POU2F2: variants seen among roughly 807,000 people sequenced by gnomAD.
POU2F2 encodes the protein POU domain, class 2, transcription factor 2.
Under a neutral mutation model 63.5 loss-of-function variants are expected in POU2F2, and 14 were observed. The observed-to-expected ratio is 0.22, with a 90% CI of 0.15 to 0.34. The LOEUF (loss-of-function observed/expected upper bound fraction) is 0.34, where lower values mean the gene tolerates loss of function less well. POU2F2 is among the 10% of genes least tolerant of loss of function. POU2F2 has a pLI of 1.00. For missense variants in POU2F2, 607 were observed against 815.2 expected, an observed-to-expected ratio of 0.74 and a Z score of 3.11; for synonymous variants, 306 against 348.6, an observed-to-expected ratio of 0.88 and a Z score of 1.36.
intron 4 of POU2F2, among the ~76,000 whole-genome samples, chr19:42,118,684 A>G (rs1434689168): frequency 6.6e-6 from 1 of 152,250 alleles, no homozygotes; most frequent in Non-Finnish European, 1.5e-5. Context: ...AAAAAGCCAG[A>G]CAACAGCAGT....
chr19:42,181,800 C>T (rs2034963907), intron 1 of POU2F2, among the ~76,000 whole-genome samples: 1 of 152,150 alleles, frequency 6.6e-6, no homozygotes, highest in Non-Finnish European at 1.5e-5. Context: ...GTTGGTCAAG[C>T]TGGACTCAAA....
intron 1 of POU2F2, among the ~76,000 whole-genome samples, chr19:42,188,123 C>T (rs562319827): frequency 5.9e-5 from 9 of 151,800 alleles, no homozygotes; most frequent in South Asian, 2.1e-4. Flanking sequence ...CCGGCACTTT[C>T]GGAGACCAAG....
At chr19:42,149,782 C>T (rs531394026) in intron 2 of POU2F2, among the ~76,000 whole-genome samples, 160 of 152,226 alleles carry the variant, frequency 1.1e-3, no homozygotes, top group African/African-American at 3.7e-3. Context: ...AACACCCTCT[C>T]CCCTGCCCCT....
chr19:42,189,723 G>A lies in POU2F2; in HGVS notation c.-70+6660C>T, dbSNP rs116240897. On this transcript the variant is annotated intron_variant, in intron 1 of 5. Transcript: ENST00000532176. Reference sequence around the variant, plus strand: ...GGAAGGTAGAGGTTTTTTTGAGTGCGGCGGGGGGAGTTTGTTTTGTTTCTT... The same window carrying A: ...GGAAGGTAGAGGTTTTTTTGAGTGCAGCGGGGGGAGTTTGTTTTGTTTCTT... Among the ~76,000 whole-genome samples the A allele has an allele frequency of 6.7e-3, 1,022 of 152,076 alleles. 14 individuals are homozygous for A. The highest frequency in any genetic ancestry group is 0.023 in the African/African-American group (969 of 41,486).
At chr19:42,113,366 G>A (rs752815415) in intron 5 of POU2F2, among the ~76,000 whole-genome samples, 6 of 152,102 alleles carry the variant, frequency 3.9e-5, no homozygotes, top group Non-Finnish European at 5.9e-5. Flanking sequence ...CAGCCCCCTC[G>A]GCAGAAGGCA....
rs1448724156 is a variant in POU2F2 at position 42,096,194 on chromosome 19, G to A, written c.617C>T (p.Pro206Leu). 16 of 1,612,902 alleles carry A rather than the reference G, an allele frequency of 9.9e-6. No individual in the cohort carries two copies. Among genetic ancestry groups the A allele is most frequent in the African/African-American group, 2.7e-5 (2 of 74,896 alleles). Residue 206 changes from proline (P) to leucine (L), a missense_variant, in exon 8 of 15, where the codon CCC becomes CTC. Physicochemically the swap from Pro to Leu is moderately conservative, Grantham distance 98. Coordinates refer to ENST00000692977, the MANE Select transcript of POU2F2 (RefSeq NM_001394376.1). The surrounding 1 kb of genome is among the most constrained non-coding windows in gnomAD (Gnocchi z 4.1). ...LPDPHLSHPQ[P>L]PKCLEPPSHP... ...GGATGGTGGCTCCAAGCATTTGGGG[G>A]GCTGCGGGTGCGAGAGGTGCGGGTC...
chr19:42,186,166 A>C (rs2035010476), intron 1 of POU2F2, among the ~76,000 whole-genome samples: 1 of 149,234 alleles, frequency 6.7e-6, no homozygotes, highest in African/African-American at 2.5e-5. Flanking sequence ...TGAAAATACA[A>C]AAAAAAAAAT....
intron 1 of POU2F2, among the ~76,000 whole-genome samples, chr19:42,193,707 G>A (rs902209173): frequency 6.6e-6 from 1 of 152,232 alleles, no homozygotes; most frequent in Non-Finnish European, 1.5e-5. Context: ...AAACAGTATA[G>A]ACAGCCAAAC....
chr19:42,179,812 C>T (rs75665308), upstream of POU2F2, among the ~76,000 whole-genome samples: 10,715 of 152,228 alleles, frequency 0.07, 542 homozygotes, highest in Middle Eastern at 0.17. Flanking sequence ...ACCTGTGCAG[C>T]GTGTGCATAA....
At chr19:42,110,418 T>A (rs936189302) in intron 5 of POU2F2, 4 of 157,680 alleles carry the variant, frequency 2.5e-5, no homozygotes, top group African/African-American at 9.6e-5. Flanking sequence ...GGAAGCCACC[T>A]GGGTGAAAAT....
intron 1 of POU2F2, among the ~76,000 whole-genome samples, chr19:42,193,063 A>T (rs2146828767): frequency 6.6e-6 from 1 of 151,154 alleles, no homozygotes; most frequent in South Asian, 2.1e-4. Flanking sequence ...TACTAAAAAT[A>T]CAAAAAAAAA....
intron 1 of POU2F2, among the ~76,000 whole-genome samples, chr19:42,165,044 T>C (rs544912468): frequency 3.3e-5 from 5 of 152,322 alleles, no homozygotes; most frequent in African/African-American, 1.2e-4. Flanking sequence ...TCTCATCTCA[T>C]TGAATTTCTG....
chr19:42,170,428 C>CAA (rs529460184), intron 1 of POU2F2, among the ~76,000 whole-genome samples: 7 of 118,724 alleles, frequency 5.9e-5, no homozygotes, highest in Non-Finnish European at 7.3e-5. Flanking sequence ...AACCCAACGC[C>CAA]AAAAAAAAAA....
At chr19:42,122,445 T>C in intron 2 of POU2F2, 66 bp downstream of exon 2, 2 of 1,609,130 alleles carry the variant, frequency 1.2e-6, no homozygotes, top group South Asian at 2.2e-5. Flanking sequence ...CTCCCAGCTC[T>C]CTTCCCATCT....
At chr19:42,120,696 A>G (rs1476265256) in intron 4 of POU2F2, among the ~76,000 whole-genome samples, 1 of 152,206 alleles carries the variant, frequency 6.6e-6, no homozygotes, top group Non-Finnish European at 1.5e-5. Flanking sequence ...AAAAACATTT[A>G]TTTAAAAAGC....
chr19:42,100,526 G>A (rs1043992456), intron 5 of POU2F2, among the ~76,000 whole-genome samples: 1 of 152,032 alleles, frequency 6.6e-6, no homozygotes, highest in Non-Finnish European at 1.5e-5. Flanking sequence ...TGAGGCAGGC[G>A]GACACACCTG....
chr19:42,132,522 C>A, upstream of POU2F2: 1 of 1,067,488 alleles, frequency 9.4e-7, no homozygotes, highest in South Asian at 2.2e-5. Flanking sequence ...CAGGGCCGGT[C>A]CGCCCCCTTC....
At position 42,162,106 on chromosome 19, in the gene POU2F2, C is replaced by T. The variant is rs1396675768; in HGVS notation, c.-69-1714G>A. ...CCCCAGGCCTCGGGGGGGCCAGAGT[C>T]AGACAGCGCCTTAGGGCTGGGGTCT... On this transcript the variant is annotated intron_variant, in intron 1 of 6. Coordinates refer to the POU2F2 transcript ENST00000524801. The surrounding 1 kb of genome is among the most constrained non-coding windows in gnomAD (Gnocchi z 4.1). Among the ~76,000 whole-genome samples the T allele has an allele frequency of 2.0e-5, 3 of 152,190 alleles. No homozygotes were observed. Among genetic ancestry groups the T allele is most frequent in the Non-Finnish European group, 4.4e-5 (3 of 68,026 alleles).
rs1201422267 is a variant in POU2F2, at chr19:42,093,009, ATTT to A, written c.1265-742_1265-740del. Among the ~76,000 whole-genome samples, 412 of 47,020 alleles carry A rather than the reference ATTT, an allele frequency of 8.8e-3. 2 individuals are homozygous for A. The highest frequency in any genetic ancestry group is 0.025 in the African/African-American group (357 of 14,490). 30.8% of individuals were successfully genotyped at this position (47,020 alleles called of 152,430 possible). A position where few individuals can be genotyped will look rare whatever the true frequency, so the allele number is the denominator to read the frequency against. On this transcript the variant is annotated intron_variant, in intron 12 of 14. Transcript: ENST00000692977. Reference sequence around the variant, plus strand: ...TGTGTATATATATATATATATATATATTTTTTTTTTTTTTTTTTTTGAGATGGA... The same window carrying A: ...TGTGTATATATATATATATATATATATTTTTTTTTTTTTTTTTGAGATGGA...
Sources: gnomAD v4.1 joint callset for allele counts (sites outside exome capture counted in the v4.1 genomes callset) on GRCh38, gnomAD v4.1.1 for gene constraint, Gnocchi (gnomAD v3.1) non-coding constraint, MANE v1.5 for transcripts, NCBI Gene and HGNC (gene_info 2026-07-23, HGNC 2026-07-21) for gene names.